The following SPECC1L variants were observed in gnomAD, a reference collection of about 807,000 sequenced individuals.
SPECC1L encodes the protein sperm antigen with calponin homology and coiled-coil domains 1 like.
Under a neutral mutation model 116.8 loss-of-function variants are expected in SPECC1L, and 40 were observed. The observed-to-expected ratio is 0.34, with a 90% confidence interval of 0.27 to 0.45. The LOEUF (loss-of-function observed/expected upper bound fraction) is 0.45. SPECC1L is among the 20% of genes least tolerant of loss of function. The pLI is 1.00. For synonymous variants in SPECC1L, 504 were observed against 500.6 expected (o/e 1.01, Z -0.09); for missense variants, 1,110 against 1,373.6 (o/e 0.81, Z 3.03).
At chr22:24,369,116 A>G in intron 13 of SPECC1L, 102 bp from the exon 14 acceptor site, 1 of 808,390 alleles carries the variant, frequency 1.2e-6, no homozygotes, top group South Asian at 1.4e-5. Flanking sequence ...GTATTGCCTT[A>G]CCATGTATAT....
At position 24,349,687 on chromosome 22, in the gene SPECC1L, T is replaced by A. The variant is rs548921730; in HGVS notation, c.2743+2511T>A. On this transcript the variant is annotated intron_variant, in intron 11 of 16. Transcript: ENST00000314328. ...TTCATCCTTAGAAACCTTGGAGTCATCCTTAACTCCCGTCTTCATCTTAGA... is the reference window on the plus strand; with the variant it reads ...TTCATCCTTAGAAACCTTGGAGTCAACCTTAACTCCCGTCTTCATCTTAGA... 5.3e-5 allele frequency among the ~76,000 whole-genome samples: 8 copies of A among 152,324 alleles called. No homozygotes were observed. In the East Asian group the frequency reaches 1.5e-3, roughly 29 times the overall value.
intron 14 of SPECC1L, among the ~76,000 whole-genome samples, chr22:24,374,507 C>G (rs181077080): frequency 6.6e-6 from 1 of 150,966 alleles, no homozygotes; most frequent in East Asian, 1.9e-4. Flanking sequence ...TCATTCTCAG[C>G]AAACTATCGC....
intron 9 of SPECC1L, 29 bp from the exon 10 acceptor site, chr22:24,338,357 A>G (rs1409974588): frequency 6.2e-7 from 1 of 1,608,666 alleles, no homozygotes; most frequent in Non-Finnish European, 8.5e-7. Context: ...CAGTGACATT[A>G]TTTCCCTTTT....
At chr22:24,306,609 C>A (rs1206759545) in intron 3 of SPECC1L, among the ~76,000 whole-genome samples, 1 of 152,154 alleles carries the variant, frequency 6.6e-6, no homozygotes, top group East Asian at 1.9e-4. Context: ...TCTCTAACTC[C>A]TTGGCTTCAA....
chr22:24,362,143 C>T (rs1347983437), intron 11 of SPECC1L, among the ~76,000 whole-genome samples: 1 of 152,206 alleles, frequency 6.6e-6, no homozygotes, highest in Non-Finnish European at 1.5e-5. Context: ...GTCCTTGTGA[C>T]TGCCTCTCTG....
At chr22:24,292,732 C>T (rs1299569244) in intron 2 of SPECC1L, among the ~76,000 whole-genome samples, 1 of 152,076 alleles carries the variant, frequency 6.6e-6, no homozygotes, top group Non-Finnish European at 1.5e-5. Context: ...TCTGACATTA[C>T]AAGAGTCAGA....
At chr22:24,315,267 C>G (rs569352599) in intron 4 of SPECC1L, among the ~76,000 whole-genome samples, 1 of 152,210 alleles carries the variant, frequency 6.6e-6, no homozygotes, top group Non-Finnish European at 1.5e-5. Flanking sequence ...ATAATAGGTG[C>G]GATTAACAGG....
At chr22:24,368,030 G>A (rs573628166) in intron 13 of SPECC1L, among the ~76,000 whole-genome samples, 1 of 152,304 alleles carries the variant, frequency 6.6e-6, no homozygotes, top group African/African-American at 2.4e-5. Flanking sequence ...GGTGCAGAAT[G>A]AGTAGAATTG....
intron 2 of SPECC1L, among the ~76,000 whole-genome samples, chr22:24,293,430 C>A (rs1052623239): frequency 6.6e-6 from 1 of 151,798 alleles, no homozygotes; most frequent in Non-Finnish European, 1.5e-5. Context: ...TCCAGCCTGG[C>A]GACAGAGCGA....
chr22:24,272,426 A>G (rs927871544), intron 1 of SPECC1L, among the ~76,000 whole-genome samples: 1 of 152,078 alleles, frequency 6.6e-6, no homozygotes, highest in African/African-American at 2.4e-5. Flanking sequence ...TAATCACAGT[A>G]GTTTGGGAGG....
intron 14 of SPECC1L, among the ~76,000 whole-genome samples, chr22:24,388,129 C>G (rs1436520639): frequency 6.6e-6 from 1 of 151,798 alleles, no homozygotes; most frequent in Non-Finnish European, 1.5e-5. Context: ...ATGTGCACAA[C>G]GTGCAGGTTA....
chr22:24,380,402 C>T (rs578237402), intron 14 of SPECC1L, among the ~76,000 whole-genome samples: 10 of 152,280 alleles, frequency 6.6e-5, no homozygotes, highest in African/African-American at 1.9e-4. Context: ...GAAGCTGTTA[C>T]GTGACACTTA....
chr22:24,314,945 GT>G (rs1159330445), intron 4 of SPECC1L, among the ~76,000 whole-genome samples: 2 of 152,178 alleles, frequency 1.3e-5, no homozygotes, highest in African/African-American at 4.8e-5. Context: ...ACAGGTATTT[GT>G]TTTTAGATTT....
intron 6 of SPECC1L, among the ~76,000 whole-genome samples, chr22:24,327,460 C>T (rs2040853605): frequency 6.6e-6 from 1 of 151,764 alleles, no homozygotes; most frequent in South Asian, 2.1e-4. Context: ...AATTAAAAGC[C>T]AATAAAGTGT....
At chr22:24,339,687 GT>G (rs1387182190) in intron 10 of SPECC1L, among the ~76,000 whole-genome samples, 3 of 152,250 alleles carry the variant, frequency 2.0e-5, no homozygotes, top group African/African-American at 7.2e-5. Flanking sequence ...GCATTTTCGA[GT>G]TGAGACATTT....
chr22:24,365,334 G>A lies in SPECC1L; in HGVS notation c.2828-142G>A, dbSNP rs972277583. ...CACAGTTTTTTTAATGGAAAAATAAGAAATACTTTCCAGTTATCAATATTA... is the reference window on the plus strand; with the variant it reads ...CACAGTTTTTTTAATGGAAAAATAAAAAATACTTTCCAGTTATCAATATTA... On this transcript the variant is annotated intron_variant, in intron 12 of 16. Coordinates refer to ENST00000314328, the MANE Select transcript of SPECC1L (RefSeq NM_015330.6). 9.7e-5 allele frequency: 75 copies of A among 776,124 alleles called. No individual in the cohort carries two copies. In the African/African-American group the frequency reaches 1.2e-3, roughly 12 times the overall value. The allele number at this position is 776,124 out of a possible 1,614,324, so 48.1% of individuals were successfully genotyped here. A position where few individuals can be genotyped will look rare whatever the true frequency, so the allele number is the denominator to read the frequency against.
At chr22:24,343,391 G>T (rs2041220008) in intron 10 of SPECC1L, 1 of 412,806 alleles carries the variant, frequency 2.4e-6, no homozygotes, top group Non-Finnish European at 4.8e-6. Context: ...AGGCAGGTGA[G>T]AATGATCACA....
chr22:24,334,439 A>G lies in SPECC1L; in HGVS notation c.2426A>G (p.Asn809Ser), dbSNP rs751863130. ...KQEEERGRVY[N>S]YMNAVERDLA... ...GAGGAGGAGCGAGGCCGGGTATACA[A>G]TTACATGAATGCCGTTGAGAGAGAT... Residue 809 changes from asparagine to serine, a missense_variant, in exon 9 of 17, where the codon AAT becomes AGT. This residue lies in a region of SPECC1L where 575 missense variants were observed against 682.4 expected (regional missense o/e 0.84). Coordinates refer to ENST00000314328, the MANE Select transcript of SPECC1L (RefSeq NM_015330.6). The G allele has an allele frequency of 6.2e-7, 1 of 1,614,154 alleles. No individual in the cohort carries two copies. Among genetic ancestry groups the G allele is most frequent in the Admixed American group, 1.7e-5 (1 of 60,010 alleles).
chr22:24,327,277 CAAAAAAAAAAAAAA>C (rs58725731), intron 6 of SPECC1L, among the ~76,000 whole-genome samples: 3 of 41,974 alleles, frequency 7.1e-5, no homozygotes, highest in South Asian at 9.5e-4. Context: ...GACTCCGTCT[CAAAAAAAAAAAAAA>C]AAAAAAAAAA....
Sources: allele counts gnomAD v4.1 joint callset (sites outside exome capture counted in the v4.1 genomes callset), GRCh38; gene constraint gnomAD v4.1.1; regional missense constraint gnomAD v4.1.1; transcripts MANE v1.5; gene names NCBI Gene and HGNC (gene_info 2026-07-23, HGNC 2026-07-21).